RAP1GDS1: variants seen among roughly 807,000 people sequenced by gnomAD.
The protein encoded by RAP1GDS1 is RAP1, GTP-GDP dissociation stimulator 1.
A neutral mutation model predicts 71.1 loss-of-function variants in RAP1GDS1; 35 were observed. The ratio of observed to expected loss-of-function variants is 0.49; its 90% CI spans 0.38 to 0.65. The LOEUF (loss-of-function observed/expected upper bound fraction) is 0.65. Ranked by LOEUF, RAP1GDS1 falls within the 30% of genes least tolerant of loss-of-function variation. RAP1GDS1 has a pLI of 0.00. For synonymous variants in RAP1GDS1, 229 were observed against 243.1 expected (o/e 0.94, Z 0.54); for missense variants, 663 against 706.1 (o/e 0.94, Z 0.69).
intron 12 of RAP1GDS1, among the ~76,000 whole-genome samples, chr4:98,433,317 G>A (rs1424276278): frequency 6.6e-6 from 1 of 151,406 alleles, no homozygotes; most frequent in Non-Finnish European, 1.5e-5. Context: ...TTTTTAAGAG[G>A]CAGGTTCTCA....
At chr4:98,431,257 A>G (rs746028784) in intron 12 of RAP1GDS1, among the ~76,000 whole-genome samples, 1 of 152,212 alleles carries the variant, frequency 6.6e-6, no homozygotes, top group South Asian at 2.1e-4. Flanking sequence ...ACAATCTTGA[A>G]AAAGAAAATT....
intron 6 of RAP1GDS1, among the ~76,000 whole-genome samples, chr4:98,398,261 A>G (rs958741730): frequency 1.1e-4 from 16 of 152,116 alleles, no homozygotes; most frequent in African/African-American, 3.9e-4. Flanking sequence ...AAAAGAGAAA[A>G]TATAAGAAGA....
chr4:98,269,449 C>G (rs1333209236), intron 1 of RAP1GDS1, among the ~76,000 whole-genome samples: 3 of 151,864 alleles, frequency 2.0e-5, no homozygotes, highest in Non-Finnish European at 4.4e-5. Context: ...AAAGCACAGG[C>G]AACAAAAGCA....
intron 13 of RAP1GDS1, 126 bp from the exon 14 acceptor site, chr4:98,436,814 T>C (rs1578886305): frequency 1.1e-6 from 1 of 912,140 alleles, no homozygotes; most frequent in Non-Finnish European, 1.5e-6. Flanking sequence ...ATTATTTTTC[T>C]AGGTCATTAT....
intron 7 of RAP1GDS1, among the ~76,000 whole-genome samples, chr4:98,411,618 C>T (rs182111736): frequency 9.9e-5 from 15 of 152,216 alleles, no homozygotes; most frequent in Admixed American, 9.2e-4. Flanking sequence ...CATAAAATAA[C>T]CTATAACTTT....
chr4:98,422,270 T>C (rs1281497766), intron 12 of RAP1GDS1, among the ~76,000 whole-genome samples: 1 of 151,900 alleles, frequency 6.6e-6, no homozygotes, highest in Non-Finnish European at 1.5e-5. Flanking sequence ...CAGGCTGGAG[T>C]ACAGTGGCAC....
chr4:98,265,979 A>G (rs1315535565), intron 1 of RAP1GDS1, among the ~76,000 whole-genome samples: 2 of 152,248 alleles, frequency 1.3e-5, no homozygotes, highest in Non-Finnish European at 2.9e-5. Context: ...TTCACTAGGT[A>G]TAGTCATGCT....
chr4:98,270,506 TAAG>T (rs1198392900), intron 1 of RAP1GDS1, among the ~76,000 whole-genome samples: 1 of 152,206 alleles, frequency 6.6e-6, no homozygotes, highest in Non-Finnish European at 1.5e-5. Context: ...TCAAGCTGGC[TAAG>T]ATATGGATGC....
intron 2 of RAP1GDS1, among the ~76,000 whole-genome samples, chr4:98,318,621 C>A (rs1731299543): frequency 6.6e-6 from 1 of 152,126 alleles, no homozygotes; most frequent in Admixed American, 6.5e-5. Context: ...TATTGACCTT[C>A]TGGGGATATG....
At chr4:98,431,802 A>G (rs1325642062) in intron 12 of RAP1GDS1, among the ~76,000 whole-genome samples, 3 of 152,232 alleles carry the variant, frequency 2.0e-5, no homozygotes, top group African/African-American at 4.8e-5. Context: ...GTTGCCATCA[A>G]TATTATTCTG....
At chr4:98,367,577 A>G (rs1372962091) in intron 4 of RAP1GDS1, among the ~76,000 whole-genome samples, 2 of 152,250 alleles carry the variant, frequency 1.3e-5, no homozygotes, top group Non-Finnish European at 2.9e-5. Context: ...AGCCCATGAA[A>G]GTAACCAGGA....
chr4:98,422,017 G>A (rs1034483385), intron 12 of RAP1GDS1, among the ~76,000 whole-genome samples: 14 of 151,794 alleles, frequency 9.2e-5, no homozygotes, highest in African/African-American at 3.4e-4. Flanking sequence ...ATAACATAGT[G>A]AAACCCCGGG....
chr4:98,319,406 A>G (rs140805736), intron 2 of RAP1GDS1, among the ~76,000 whole-genome samples: 93 of 152,312 alleles, frequency 6.1e-4, no homozygotes, highest in African/African-American at 2.2e-3. Context: ...CATACTTTTT[A>G]TGATGTAATA....
At chr4:98,284,467 A>G (rs1168350030) in intron 1 of RAP1GDS1, among the ~76,000 whole-genome samples, 1 of 152,222 alleles carries the variant, frequency 6.6e-6, no homozygotes, top group African/African-American at 2.4e-5. Flanking sequence ...ATCAAAGACT[A>G]TAATGCTGTT....
chr4:98,436,266 C>A (rs1456680570), intron 13 of RAP1GDS1, among the ~76,000 whole-genome samples: 1 of 152,062 alleles, frequency 6.6e-6, no homozygotes, highest in East Asian at 1.9e-4. Flanking sequence ...TCTGGGTCTT[C>A]CATTCAGTGC....
chr4:98,366,711 T>C (rs972455427), intron 4 of RAP1GDS1, among the ~76,000 whole-genome samples: 23 of 152,180 alleles, frequency 1.5e-4, no homozygotes, highest in African/African-American at 5.1e-4. Flanking sequence ...CAAAGGTGAT[T>C]CTTGTTATGT....
intron 7 of RAP1GDS1, among the ~76,000 whole-genome samples, chr4:98,415,952 T>G (rs1020930124): frequency 2.8e-4 from 42 of 152,356 alleles, no homozygotes; most frequent in Non-Finnish European, 4.7e-4. Flanking sequence ...GGTCTCACTC[T>G]GTTGCCCAGA....
intron 3 of RAP1GDS1, among the ~76,000 whole-genome samples, chr4:98,346,332 G>T (rs964765437): frequency 3.6e-4 from 54 of 152,050 alleles, no homozygotes; most frequent in African/African-American, 1.2e-3. Flanking sequence ...CAGAAATACA[G>T]AAGTCTCCTG....
At chr4:98,378,049 T>C (rs1741434381) in intron 4 of RAP1GDS1, among the ~76,000 whole-genome samples, 1 of 151,852 alleles carries the variant, frequency 6.6e-6, no homozygotes, top group Non-Finnish European at 1.5e-5. Flanking sequence ...TTACTAAAAT[T>C]AATTTTCACC....
Sources: gnomAD v4.1 joint callset for allele counts (sites outside exome capture counted in the v4.1 genomes callset) on GRCh38, gnomAD v4.1.1 for gene constraint, MANE v1.5 for transcripts, NCBI Gene and HGNC (gene_info 2026-07-23, HGNC 2026-07-21) for gene names.